Variants in ANXA4 observed in about 807,000 individuals in gnomAD.
The protein encoded by ANXA4 is annexin A4.
A neutral mutation model predicts 49.8 loss-of-function variants in ANXA4; 39 were observed. The ratio of observed to expected loss-of-function variants is 0.78; its 90% CI spans 0.61 to 1.02. The LOEUF (loss-of-function observed/expected upper bound fraction) is 1.02, where lower values mean the gene tolerates loss of function less well. ANXA4 is among the 50% of genes least tolerant of loss of function. ANXA4 has a pLI of 0.00. For synonymous variants in ANXA4, 134 were observed against 152.5 expected, an observed-to-expected ratio of 0.88 and a Z score of 0.89; for missense variants, 360 against 410.1, an observed-to-expected ratio of 0.88 and a Z score of 1.05.
chr2:69,825,484 T>C lies in ANXA4; in HGVS notation c.935T>C (p.Val312Ala). 6.2e-7 allele frequency: 1 copy of C among 1,610,288 alleles called. No homozygotes were observed. The highest frequency in any genetic ancestry group is 8.5e-7 in the Non-Finnish European group (1 of 1,178,640). ...GACACATCTGGAGACTACAGGAAAG[T>C]ACTGCTTGTTCTCTGTGGAGGAGAT... ...KGDTSGDYRK[V>A]LLVLCGGDD The change falls in exon 13 of 13, where the codon GTA (valine) becomes GCA (alanine). Residue 312 changes from valine (V) to alanine (A), a missense_variant. Physicochemically the swap from Val to Ala is moderately conservative, Grantham distance 64 (BLOSUM62 0). Transcript: ENST00000394295.
At chr2:69,679,407 C>A (rs183960498) in intron 2 of ANXA4, among the ~76,000 whole-genome samples, 1 of 152,284 alleles carries the variant, frequency 6.6e-6, no homozygotes, top group Admixed American at 6.5e-5. Flanking sequence ...ATATAATTCC[C>A]TTGTGGGATG....
chr2:69,647,743 G>A (rs1030835289), intron 1 of ANXA4, among the ~76,000 whole-genome samples: 2 of 152,020 alleles, frequency 1.3e-5, no homozygotes, highest in Non-Finnish European at 2.9e-5. Context: ...AAAAAATAGA[G>A]ATGGGGTCTT....
At chr2:69,739,277 C>A (rs115514103), upstream of ANXA4, among the ~76,000 whole-genome samples, 1,975 of 152,302 alleles carry the variant, frequency 0.013, 49 homozygotes, top group African/African-American at 0.045. Flanking sequence ...GTTTGGAAGT[C>A]GGCTTTCTGA....
intron 3 of ANXA4, among the ~76,000 whole-genome samples, chr2:69,803,164 G>A (rs956729499): frequency 1.1e-4 from 16 of 151,696 alleles, no homozygotes; most frequent in African/African-American, 2.2e-4. Flanking sequence ...ACTCCAGCCC[G>A]GGTGACAGAG....
intron 1 of ANXA4, among the ~76,000 whole-genome samples, chr2:69,763,506 CAAAT>C (rs2105531567): frequency 6.6e-6 from 1 of 152,198 alleles, no homozygotes; most frequent in South Asian, 2.1e-4. Context: ...ATATTCCAGG[CAAAT>C]AGAACCCAAC....
chr2:69,697,877 G>T (rs759049676), intron 2 of ANXA4, among the ~76,000 whole-genome samples: 5 of 150,536 alleles, frequency 3.3e-5, no homozygotes, highest in African/African-American at 7.3e-5. Flanking sequence ...GGGCAAAGTG[G>T]TTCATTCCTA....
chr2:69,673,513 G>C (rs917741344), intron 2 of ANXA4, among the ~76,000 whole-genome samples: 1 of 151,428 alleles, frequency 6.6e-6, no homozygotes, highest in Non-Finnish European at 1.5e-5. Context: ...TTGGGGATTG[G>C]GGGGCTAGGG....
chr2:69,719,393 G>A (rs1335258752), intron 2 of ANXA4, among the ~76,000 whole-genome samples: 1 of 150,338 alleles, frequency 6.7e-6, no homozygotes, highest in Non-Finnish European at 1.5e-5. Context: ...CTCCTGAGTA[G>A]CTGGGACTAC....
At chr2:69,770,402 G>C (rs1671659084) in intron 1 of ANXA4, among the ~76,000 whole-genome samples, 1 of 152,204 alleles carries the variant, frequency 6.6e-6, no homozygotes, top group African/African-American at 2.4e-5. Context: ...CTTGTGGGCT[G>C]TAAAATGAAA....
upstream of ANXA4, among the ~76,000 whole-genome samples, chr2:69,739,386 T>A (rs7424888): frequency 0.47 from 70,815 of 150,210 alleles, 17,139 homozygotes; most frequent in East Asian, 0.7. Context: ...AGATTTTTAA[T>A]TTTTTTTTAT....
At chr2:69,775,090 A>G (rs549260377) in intron 1 of ANXA4, among the ~76,000 whole-genome samples, 4 of 152,366 alleles carry the variant, frequency 2.6e-5, no homozygotes, top group African/African-American at 9.6e-5. Flanking sequence ...ACAAAATGAA[A>G]TAACTTCTTC....
At chr2:69,809,983 C>T (rs1327985529) in intron 6 of ANXA4, 5 of 152,810 alleles carry the variant, frequency 3.3e-5, no homozygotes, top group African/African-American at 7.2e-5. Context: ...CTGAGAACCA[C>T]GTTCAGATCG....
rs576638051 is a variant in ANXA4 at position 69,699,418 on chromosome 2, T to A, written n.767-21356T>A. On this transcript the variant is annotated intron_variant and non_coding_transcript_variant, in intron 2 of 3. Transcript: ENST00000418066. ...CACTTTGGAGACTGAGGTGGGAGGA[T>A]CACTTGAGCCCAGGAGTTCAAGACC... is the stretch of plus-strand genomic sequence containing the variant. Among the ~76,000 whole-genome samples the A allele has an allele frequency of 1.1e-4, 16 of 152,148 alleles. No individual in the cohort carries two copies. In the South Asian group the frequency reaches 2.5e-3, roughly 24 times the overall value.
At chr2:69,695,594 G>A (rs138242252) in intron 2 of ANXA4, among the ~76,000 whole-genome samples, 1 of 152,312 alleles carries the variant, frequency 6.6e-6, no homozygotes, top group East Asian at 1.9e-4. Flanking sequence ...GAGAAACCAC[G>A]CTGGGGAGAG....
At chr2:69,685,705 C>G (rs1345766090) in intron 2 of ANXA4, among the ~76,000 whole-genome samples, 2 of 152,132 alleles carry the variant, frequency 1.3e-5, no homozygotes, top group Non-Finnish European at 2.9e-5. Context: ...TGAGAATAAG[C>G]AATACTTGCT....
At chr2:69,810,757 C>T (rs912381715) in intron 7 of ANXA4, 84 bp downstream of exon 7, 11 of 1,091,346 alleles carry the variant, frequency 1.0e-5, no homozygotes, top group Non-Finnish European at 1.5e-5. Flanking sequence ...TCCTTTCAGC[C>T]CCTGACATGT....
Position 69,656,355 on chromosome 2 carries a change from GTGTA to G in ANXA4, n.766+3075_766+3078del, listed in dbSNP as rs1485472983. ...TATGTGTATATATATGTGTATATATGTGTATATATATGTGTATATATGTGTATAT... is the reference window on the plus strand; with the variant it reads ...TATGTGTATATATATGTGTATATATGTATATATGTGTATATATGTGTATAT... On this transcript the variant is annotated intron_variant and non_coding_transcript_variant, in intron 2 of 3. Coordinates refer to the ANXA4 transcript ENST00000418066. 2.0e-4 allele frequency among the ~76,000 whole-genome samples: 26 copies of G among 127,032 alleles called. 2 individuals are homozygous for G. The East Asian group carries it at 6.1e-3, about 30-fold the overall frequency. The allele number at this position is 127,032 out of a possible 152,430, so 83.3% of individuals were successfully genotyped here. A position where few individuals can be genotyped will look rare whatever the true frequency, so the allele number is the denominator to read the frequency against.
chr2:69,769,603 G>C (rs1671631292), intron 1 of ANXA4, among the ~76,000 whole-genome samples: 1 of 152,138 alleles, frequency 6.6e-6, no homozygotes, highest in Non-Finnish European at 1.5e-5. Context: ...GTAAAAACTG[G>C]CTTTGGCATG....
chr2:69,681,100 T>G (rs1410949975), intron 2 of ANXA4, among the ~76,000 whole-genome samples: 1 of 152,190 alleles, frequency 6.6e-6, no homozygotes, highest in East Asian at 1.9e-4. Flanking sequence ...TTTGTAAGTT[T>G]GGTAGAATTC....
Sources: allele counts gnomAD v4.1 joint callset (sites outside exome capture counted in the v4.1 genomes callset), GRCh38; gene constraint gnomAD v4.1.1; transcripts MANE v1.5; gene names NCBI Gene and HGNC (gene_info 2026-07-23, HGNC 2026-07-21).